The following RNF180 variants were observed in gnomAD, a reference collection of about 807,000 sequenced individuals.
The protein encoded by RNF180 is ring finger protein 180.
RNF180 carries 38 observed loss-of-function variants against 59.2 expected under a neutral mutation model. The ratio of observed to expected loss-of-function variants is 0.64; its 90% CI spans 0.50 to 0.84. The LOEUF is 0.84. Among genes scored for constraint, RNF180 ranks in the 40% least tolerant of loss-of-function variants. The pLI is 0.00. For synonymous variants in RNF180, 262 were observed against 240.3 expected, an observed-to-expected ratio of 1.09 and a Z score of -0.84; for missense variants, 705 against 700.9, an observed-to-expected ratio of 1.01 and a Z score of -0.07.
intron 5 of RNF180, among the ~76,000 whole-genome samples, chr5:64,323,021 G>A (rs1744451651): frequency 6.6e-6 from 1 of 152,080 alleles, no homozygotes; most frequent in South Asian, 2.1e-4. Flanking sequence ...TAAGGAATAT[G>A]AAAAAGCATT....
intron 5 of RNF180, among the ~76,000 whole-genome samples, chr5:64,323,698 G>A (rs966968558): frequency 1.3e-5 from 2 of 152,110 alleles, no homozygotes; most frequent in African/African-American, 4.8e-5. Context: ...ATGGGGGAGG[G>A]TAGAGAAGTA....
At chr5:64,305,643 AT>A (rs1400952113) in intron 5 of RNF180, among the ~76,000 whole-genome samples, 1 of 151,604 alleles carries the variant, frequency 6.6e-6, no homozygotes, top group Non-Finnish European at 1.5e-5. Flanking sequence ...ACTATGTTAC[AT>A]AAGTACCTCT....
chr5:64,250,552 A>G (rs1441532356), intron 5 of RNF180, among the ~76,000 whole-genome samples: 1 of 152,136 alleles, frequency 6.6e-6, no homozygotes, highest in Non-Finnish European at 1.5e-5. Context: ...AGACTCAAAT[A>G]AATTTAATCA....
chr5:64,361,904 C>T (rs1015172982), intron 7 of RNF180, among the ~76,000 whole-genome samples: 5 of 150,978 alleles, frequency 3.3e-5, no homozygotes, highest in African/African-American at 1.2e-4. Flanking sequence ...TAAATGGGGA[C>T]AAAAATTGGT....
intron 5 of RNF180, among the ~76,000 whole-genome samples, chr5:64,304,615 CATGATACAATTTGAA>C (rs1231525973): frequency 6.6e-6 from 1 of 151,598 alleles, no homozygotes; most frequent in African/African-American, 2.4e-5. Flanking sequence ...GCTACAATCT[CATGATACAATTTGAA>C]AAATGAGAAG....
intron 5 of RNF180, among the ~76,000 whole-genome samples, chr5:64,220,941 C>T (rs1329131048): frequency 6.6e-6 from 1 of 151,968 alleles, no homozygotes. Context: ...GTGATTTAGA[C>T]ACTACGCATA....
intron 7 of RNF180, among the ~76,000 whole-genome samples, chr5:64,349,410 C>CTTTT (rs57419146): frequency 7.2e-6 from 1 of 139,230 alleles, no homozygotes; most frequent in Non-Finnish European, 1.6e-5. Context: ...AGTCTTCTTT[C>CTTTT]TTTTTTTTTT....
At position 64,325,338 on chromosome 5, in the gene RNF180, G is replaced by A. The variant is rs1053595140; in HGVS notation, c.1380G>A (p.Leu460=). The part of the protein sequence containing the change: ...HIFCEPCLRT[L]AKDNPSSTPC... Reference sequence around the variant, plus strand: ...TCTGTGAGCCCTGCTTACGGACTCTGGCCAAAGACAATCCTTCAAGCACTC... The same window carrying A: ...TCTGTGAGCCCTGCTTACGGACTCTAGCCAAAGACAATCCTTCAAGCACTC... The change falls in exon 6 of 8, where the codon CTG becomes CTA. Residue 460 remains leucine, a synonymous_variant. Transcript: ENST00000389100. 2 of 1,551,498 alleles carry A rather than the reference G, an allele frequency of 1.3e-6. No homozygotes were observed. The highest frequency in any genetic ancestry group is 2.4e-5 in the East Asian group (1 of 40,922).
intron 1 of RNF180, among the ~76,000 whole-genome samples, chr5:64,188,567 A>G (rs1002531937): frequency 6.6e-6 from 1 of 152,100 alleles, no homozygotes; most frequent in Non-Finnish European, 1.5e-5. Context: ...AAATTTATCA[A>G]TTTTACCTCA....
intron 5 of RNF180, among the ~76,000 whole-genome samples, chr5:64,319,746 G>A (rs944848449): frequency 6.6e-6 from 1 of 152,184 alleles, no homozygotes; most frequent in African/African-American, 2.4e-5. Flanking sequence ...CCTTTTAATA[G>A]GTGAGTGAGG....
intron 5 of RNF180, among the ~76,000 whole-genome samples, chr5:64,263,795 G>A (rs549494881): frequency 5.3e-5 from 8 of 151,880 alleles, no homozygotes; most frequent in African/African-American, 1.7e-4. Context: ...TTTTTATTTC[G>A]TTTTAGTTAC....
At chr5:64,237,325 C>G (rs1007323212) in intron 5 of RNF180, among the ~76,000 whole-genome samples, 1 of 152,130 alleles carries the variant, frequency 6.6e-6, no homozygotes, top group Non-Finnish European at 1.5e-5. Context: ...ACTGCCCGGC[C>G]AGGTGTCAGG....
chr5:64,221,176 G>A (rs1741306550), intron 5 of RNF180, among the ~76,000 whole-genome samples: 2 of 151,850 alleles, frequency 1.3e-5, no homozygotes, highest in African/African-American at 2.4e-5. Flanking sequence ...TTATGCAGTA[G>A]AATTAAAATA....
At chr5:64,321,700 T>C (rs1332415225) in intron 5 of RNF180, among the ~76,000 whole-genome samples, 1 of 152,194 alleles carries the variant, frequency 6.6e-6, no homozygotes, top group Non-Finnish European at 1.5e-5. Context: ...AGGGCCCGTA[T>C]AGCCAAGACA....
chr5:64,345,192 AAGG>A (rs989641146), intron 7 of RNF180, among the ~76,000 whole-genome samples: 3 of 152,162 alleles, frequency 2.0e-5, no homozygotes, highest in Non-Finnish European at 4.4e-5. Flanking sequence ...TTAGGAAAGC[AAGG>A]AGAGCTTTGA....
At chr5:64,324,003 T>TA (rs1290352670) in intron 5 of RNF180, among the ~76,000 whole-genome samples, 1 of 152,178 alleles carries the variant, frequency 6.6e-6, no homozygotes, top group African/African-American at 2.4e-5. Context: ...AGACCGCAAT[T>TA]ACTTTTGCAC....
chr5:64,173,226 A>G (rs1750037957), intron 1 of RNF180, among the ~76,000 whole-genome samples: 1 of 152,232 alleles, frequency 6.6e-6, no homozygotes, highest in Non-Finnish European at 1.5e-5. Context: ...GAAACCACCC[A>G]ATAACATTTA....
At chr5:64,238,093 A>G (rs988210773) in intron 5 of RNF180, among the ~76,000 whole-genome samples, 5 of 152,248 alleles carry the variant, frequency 3.3e-5, no homozygotes, top group African/African-American at 1.2e-4. Context: ...ACCATACAGT[A>G]TATGACTTTC....
At chr5:64,202,423 T>A (rs1252726691) in intron 2 of RNF180, among the ~76,000 whole-genome samples, 1 of 152,208 alleles carries the variant, frequency 6.6e-6, no homozygotes, top group Non-Finnish European at 1.5e-5. Flanking sequence ...CGTTCCAGTT[T>A]TAAGTTATGA....
Sources: gnomAD v4.1 joint callset for allele counts (sites outside exome capture counted in the v4.1 genomes callset) on GRCh38, gnomAD v4.1.1 for gene constraint, MANE v1.5 for transcripts, NCBI Gene and HGNC (gene_info 2026-07-23, HGNC 2026-07-21) for gene names.